The following LRRC4C variants were observed in gnomAD, a reference collection of about 807,000 sequenced individuals.
The protein encoded by LRRC4C is leucine rich repeat containing 4C, also known as leucine-rich repeat-containing protein 4C.
LRRC4C carries 5 observed loss-of-function variants against 33.6 expected under a neutral mutation model. The ratio of observed to expected loss-of-function variants is 0.15; its 90% CI spans 0.08 to 0.31. The LOEUF (loss-of-function observed/expected upper bound fraction) is 0.31. LRRC4C is among the 10% of genes least tolerant of loss of function. The pLI, the probability that LRRC4C is intolerant of heterozygous loss-of-function variation, is 1.00. For missense variants in LRRC4C, 560 were observed against 796.7 expected (o/e 0.70, Z 3.58); for synonymous variants, 329 against 302.0 (o/e 1.09, Z -0.93).
chr11:40,183,657 T>C (rs1861188680), intron 5 of LRRC4C, among the ~76,000 whole-genome samples: 2 of 152,210 alleles, frequency 1.3e-5, no homozygotes, highest in African/African-American at 4.8e-5. Flanking sequence ...TCTGTGCAGC[T>C]TTTTTTGTTC....
At chr11:41,297,846 G>C (rs1463947561) in intron 1 of LRRC4C, among the ~76,000 whole-genome samples, 1 of 152,034 alleles carries the variant, frequency 6.6e-6, no homozygotes, top group African/African-American at 2.4e-5. Context: ...GCAGAATCTG[G>C]TATTCAGAAA....
At chr11:41,409,259 A>G (rs1376332686) in intron 1 of LRRC4C, among the ~76,000 whole-genome samples, 1 of 152,240 alleles carries the variant, frequency 6.6e-6, no homozygotes, top group Non-Finnish European at 1.5e-5. Context: ...CTCTGATACC[A>G]ATTAAAGTAT....
chr11:40,349,809 T>C (rs1049574990), intron 3 of LRRC4C, among the ~76,000 whole-genome samples: 1 of 152,186 alleles, frequency 6.6e-6, no homozygotes, highest in African/African-American at 2.4e-5. Flanking sequence ...CGATTTGCAT[T>C]TCTCTGATGA....
At chr11:41,001,438 A>T (rs749303786) in intron 1 of LRRC4C, among the ~76,000 whole-genome samples, 17 of 152,184 alleles carry the variant, frequency 1.1e-4, no homozygotes, top group Non-Finnish European at 2.4e-4. Flanking sequence ...TTCTTAAGAC[A>T]TGCAAATAAG....
intron 2 of LRRC4C, among the ~76,000 whole-genome samples, chr11:40,733,061 GTTTTTTTTTTT>G (rs544471413): frequency 1.8e-3 from 103 of 57,622 alleles, no homozygotes; most frequent in Non-Finnish European, 2.2e-3. Context: ...TATGAATATA[GTTTTTTTTTTT>G]TTTTTTTTTT....
At chr11:40,316,602 G>C (rs1464406426) in intron 4 of LRRC4C, among the ~76,000 whole-genome samples, 1 of 151,952 alleles carries the variant, frequency 6.6e-6, no homozygotes, top group Admixed American at 6.5e-5. Context: ...TCAAATGAGT[G>C]GTTGTATTTT....
intron 6 of LRRC4C, 94 bp downstream of exon 6, chr11:40,140,707 C>G (rs994650254): frequency 1.3e-4 from 20 of 152,478 alleles, no homozygotes; most frequent in Non-Finnish European, 2.6e-4. Flanking sequence ...TTGCCGTTAT[C>G]AGGTTTGACA....
At chr11:41,315,215 A>G (rs1950752457) in intron 1 of LRRC4C, among the ~76,000 whole-genome samples, 1 of 152,214 alleles carries the variant, frequency 6.6e-6, no homozygotes, top group Non-Finnish European at 1.5e-5. Context: ...TGTTACAGGC[A>G]TATCAATGCC....
chr11:40,965,527 T>C (rs1264148489), intron 1 of LRRC4C, among the ~76,000 whole-genome samples: 17 of 152,306 alleles, frequency 1.1e-4, no homozygotes, highest in Admixed American at 2.0e-4. Flanking sequence ...CTTTAATGCA[T>C]CTTGAATTAA....
At chr11:41,203,276 T>C (rs541328416) in intron 1 of LRRC4C, among the ~76,000 whole-genome samples, 1 of 152,306 alleles carries the variant, frequency 6.6e-6, no homozygotes, top group South Asian at 2.1e-4. Flanking sequence ...GAGGGCCCTA[T>C]AACAGAAATC....
intron 1 of LRRC4C, among the ~76,000 whole-genome samples, chr11:41,042,380 C>T (rs552138133): frequency 1.3e-5 from 2 of 152,228 alleles, no homozygotes; most frequent in Admixed American, 1.3e-4. Flanking sequence ...TTACAGGCAT[C>T]TAACTTTATG....
chr11:40,310,645 C>T (rs1447049615), intron 4 of LRRC4C, among the ~76,000 whole-genome samples: 3 of 152,136 alleles, frequency 2.0e-5, no homozygotes, highest in African/African-American at 7.2e-5. Flanking sequence ...GTGCTACACT[C>T]TTATAAGCAT....
At chr11:40,735,944 G>T (rs1012079020) in intron 2 of LRRC4C, among the ~76,000 whole-genome samples, 5 of 151,784 alleles carry the variant, frequency 3.3e-5, no homozygotes, top group Non-Finnish European at 7.4e-5. Flanking sequence ...TTTTTTGGCT[G>T]CATAAATGTC....
Position 40,320,329 on chromosome 11 carries a change from C to A in LRRC4C, c.-269-608G>T, listed in dbSNP as rs886706355. Among the ~76,000 whole-genome samples the A allele has an allele frequency of 1.5e-4, 23 of 152,104 alleles. No individual in the cohort carries two copies. The South Asian group carries it at 4.8e-3, about 32-fold the overall frequency. ...GACCATCCTGTCTAACACGGTGAAACCCCATTTCCACTAAAAATACAAAAA... is the reference window on the plus strand; with the variant it reads ...GACCATCCTGTCTAACACGGTGAAAACCCATTTCCACTAAAAATACAAAAA... On this transcript the variant is annotated intron_variant, in intron 3 of 6. Transcript: ENST00000528697.
intron 1 of LRRC4C, among the ~76,000 whole-genome samples, chr11:41,373,286 T>A (rs1020430682): frequency 1.3e-5 from 2 of 152,166 alleles, no homozygotes; most frequent in African/African-American, 4.8e-5. Flanking sequence ...ATTTTTAAAA[T>A]AACTACGTTT....
intron 2 of LRRC4C, among the ~76,000 whole-genome samples, chr11:40,918,624 T>C (rs544430201): frequency 6.6e-6 from 1 of 152,224 alleles, no homozygotes; most frequent in South Asian, 2.1e-4. Flanking sequence ...TTCCTTTAGC[T>C]TTTTAAATAG....
At chr11:40,392,435 G>C (rs1350420270) in intron 3 of LRRC4C, among the ~76,000 whole-genome samples, 1 of 151,998 alleles carries the variant, frequency 6.6e-6, no homozygotes, top group East Asian at 1.9e-4. Flanking sequence ...GGCCATATGA[G>C]GAACTCTTTG....
intron 2 of LRRC4C, among the ~76,000 whole-genome samples, chr11:40,817,538 T>C (rs373255469): frequency 6.6e-5 from 10 of 152,150 alleles, no homozygotes; most frequent in Non-Finnish European, 1.3e-4. Context: ...AGTGAGAACA[T>C]GTTAGCATTT....
intron 3 of LRRC4C, among the ~76,000 whole-genome samples, chr11:40,545,031 C>T (rs1956859452): frequency 6.6e-6 from 1 of 151,920 alleles, no homozygotes; most frequent in African/African-American, 2.4e-5. Context: ...CATGCTCTGC[C>T]TTTATTTTCT....
Sources: allele counts gnomAD v4.1 joint callset (sites outside exome capture counted in the v4.1 genomes callset), GRCh38; gene constraint gnomAD v4.1.1; transcripts MANE v1.5; gene names NCBI Gene and HGNC (gene_info 2026-07-23, HGNC 2026-07-21).